Variants in MEI1 observed in about 807,000 individuals in gnomAD.
MEI1 encodes the protein meiotic double-stranded break formation protein 1, also known as meiosis inhibitor protein 1.
A neutral mutation model predicts 146.2 loss-of-function variants in MEI1; 103 were observed. That is an observed-to-expected ratio of 0.70 (90% CI 0.60 to 0.83). The LOEUF is 0.83. MEI1 is among the 40% of genes least tolerant of loss of function. The pLI is 0.00. For missense variants in MEI1, 1,529 were observed against 1,533.0 expected, an observed-to-expected ratio of 1.00 and a Z score of 0.04; for synonymous variants, 652 against 628.2, an observed-to-expected ratio of 1.04 and a Z score of -0.57.
At chr22:41,781,895 A>T in intron 24 of MEI1, 50 bp downstream of exon 24, 1 of 1,598,364 alleles carries the variant, frequency 6.3e-7, no homozygotes, top group Non-Finnish European at 8.6e-7. Flanking sequence ...CACTCAAAGG[A>T]GTGTTGAAGA....
chr22:41,713,960 TG>T, intron 3 of MEI1, 41 bp from the exon 4 acceptor site: 1 of 1,531,298 alleles, frequency 6.5e-7, no homozygotes, highest in Non-Finnish European at 8.9e-7. Context: ...GACTCTGGGT[TG>T]GGGGTGCCTC....
chr22:41,763,115 G>A (rs879915574), intron 18 of MEI1, 59 bp from the exon 19 acceptor site: 25 of 1,589,096 alleles, frequency 1.6e-5, no homozygotes, highest in Non-Finnish European at 1.9e-5. Flanking sequence ...AGGCAGAATA[G>A]AAGAGCCCAG....
At position 41,743,213 on chromosome 22, in the gene MEI1, G is replaced by C. The variant is rs369134821; in HGVS notation, c.1446+19G>C. On this transcript the variant is annotated intron_variant, in intron 12 of 30. Transcript: ENST00000401548. ...GCCCCTGGTCAGTGTACTGCAGCCT[G>C]CTGCTTCCGAAGATCATGCTGCAGT... 17 of 1,554,640 alleles carry C rather than the reference G, an allele frequency of 1.1e-5. No homozygotes were observed. The African/African-American group carries it at 2.3e-4, about 21-fold the overall frequency.
At chr22:41,750,577 G>T (rs2073681632) in intron 15 of MEI1, among the ~76,000 whole-genome samples, 1 of 152,038 alleles carries the variant, frequency 6.6e-6, no homozygotes, top group South Asian at 2.1e-4. Context: ...GAGAAATGGG[G>T]GTGTGAGTAG....
Position 41,795,311 on chromosome 22 carries a change from G to C in MEI1, c.3535-100G>C, listed in dbSNP as rs1488004825. 6.7e-7 allele frequency: 1 copy of C among 1,497,218 alleles called. No individual in the cohort carries two copies. Among genetic ancestry groups the C allele is most frequent in the Non-Finnish European group, 9.1e-7 (1 of 1,099,196 alleles). The allele number at this position is 1,497,218 out of a possible 1,614,324, so 92.7% of individuals were successfully genotyped here. A position where few individuals can be genotyped will look rare whatever the true frequency, so the allele number is the denominator to read the frequency against. ...CCTTGAAGGCAGGCAGGTTCTGTGG[G>C]CTTCAGGACAGTGTCTCCTAAAGTT... On this transcript the variant is annotated intron_variant, in intron 28 of 30. Coordinates refer to ENST00000401548, the MANE Select transcript of MEI1 (RefSeq NM_152513.4). This position sits in a 1 kb window ranked among gnomAD's most constrained non-coding sequence, Gnocchi z 4.2.
chr22:41,786,483 T>C (rs960017633), intron 26 of MEI1, among the ~76,000 whole-genome samples: 2 of 152,254 alleles, frequency 1.3e-5, no homozygotes, highest in Admixed American at 1.3e-4. Flanking sequence ...TCTTTCCATC[T>C]ATTGGCTTTG....
At chr22:41,749,411 G>A (rs2073586817) in intron 15 of MEI1, among the ~76,000 whole-genome samples, 1 of 152,096 alleles carries the variant, frequency 6.6e-6, no homozygotes, top group Admixed American at 6.6e-5. Flanking sequence ...AAGTAGCTGA[G>A]ATTACAGGCA....
Position 41,776,241 on chromosome 22 carries a change from T to C in MEI1, c.2684T>C (p.Val895Ala), listed in dbSNP as rs1358842875. Residue 895 changes from valine to alanine, a missense_variant, in exon 21 of 31, where the codon GTG becomes GCG. This residue lies in a region of MEI1 where 1,212 missense variants were observed against 1,178.9 expected (regional missense o/e 1.03). Transcript: ENST00000401548. ...CTGCTGATCCTGCAGCGTCTGCTAG[T>C]GGAGCATGGGGCATCCCCATCAGGA... ...HFLLILQRLL[V>A]EHGASPSGAS... is the part of the protein sequence containing the mutation. 3 of 1,613,674 alleles carry C rather than the reference T, an allele frequency of 1.9e-6. No homozygotes were observed. Among genetic ancestry groups the C allele is most frequent in the African/African-American group, 2.7e-5 (2 of 74,904 alleles).
Position 41,724,035 on chromosome 22 carries a change from T to A in MEI1, c.826T>A (p.Ser276Thr), listed in dbSNP as rs2071097657. ...LGESAKNIEGSSGNTSLPLVL... is the reference protein window; with the variant it reads ...LGESAKNIEGTSGNTSLPLVL... Reference sequence around the variant, plus strand: ...AGAAAGTGCTAAGAATATCGAAGGGTCATCAGGAAATACCTCACTGCCTTT... The same window carrying A: ...AGAAAGTGCTAAGAATATCGAAGGGACATCAGGAAATACCTCACTGCCTTT... Residue 276 changes from serine (S) to threonine (T), a missense_variant, in exon 7 of 31, where the codon TCA becomes ACA. By Grantham distance (58) the Ser-to-Thr change is moderately conservative. This residue lies in a region of MEI1 where 1,212 missense variants were observed against 1,178.9 expected (regional missense o/e 1.03). Coordinates refer to ENST00000401548, the MANE Select transcript of MEI1 (RefSeq NM_152513.4). 1 of 1,613,672 alleles carries A rather than the reference T, an allele frequency of 6.2e-7. No individual in the cohort carries two copies. The highest frequency in any genetic ancestry group is 8.5e-7 in the Non-Finnish European group (1 of 1,179,826).
At chr22:41,718,677 A>G (rs973535408) in intron 6 of MEI1, among the ~76,000 whole-genome samples, 1 of 152,276 alleles carries the variant, frequency 6.6e-6, no homozygotes, top group East Asian at 1.9e-4. Context: ...CTATAACAGG[A>G]TACCACAGAC....
chr22:41,724,491 A>G (rs2071136910), intron 7 of MEI1, among the ~76,000 whole-genome samples: 1 of 151,706 alleles, frequency 6.6e-6, no homozygotes, highest in East Asian at 1.9e-4. Context: ...GGTGGCACAC[A>G]CCTGTAGTCC....
intron 15 of MEI1, among the ~76,000 whole-genome samples, chr22:41,752,285 C>A (rs2073812057): frequency 6.6e-6 from 1 of 152,154 alleles, no homozygotes; most frequent in South Asian, 2.1e-4. Flanking sequence ...AGTGGAGGAT[C>A]ATTCAGAATG....
chr22:41,784,758 T>C lies in MEI1; in HGVS notation c.3320T>C (p.Ile1107Thr), dbSNP rs1180525107. 8.7e-6 allele frequency: 14 copies of C among 1,610,760 alleles called. No homozygotes were observed. The highest frequency in any genetic ancestry group is 4.0e-5 in the African/African-American group (3 of 74,850). ...LRMSQVRSLV[I>T]GLQNLLVQKD... ...ATGTCGCAAGTCCGGTCCCTGGTCA[T>C]TGGGCTGCAGAACCTCCTGGTGCAG... The change falls in exon 26 of 31, where the codon ATT becomes ACT. Residue 1107 changes from isoleucine to threonine, a missense_variant. Coordinates refer to ENST00000401548, the MANE Select transcript of MEI1 (RefSeq NM_152513.4).
chr22:41,781,959 G>C, intron 24 of MEI1, 114 bp downstream of exon 24: 2 of 1,177,974 alleles, frequency 1.7e-6, no homozygotes, highest in Non-Finnish European at 2.4e-6. Context: ...ACCTTGGCAA[G>C]GTATTTACCC....
chr22:41,768,124 G>A (rs1277230230), intron 19 of MEI1, among the ~76,000 whole-genome samples: 2 of 152,204 alleles, frequency 1.3e-5, no homozygotes, highest in African/African-American at 4.8e-5. Context: ...GCTCACGCCT[G>A]TAATCCTAGC....
chr22:41,784,588 A>G lies in MEI1; in HGVS notation c.3170-20A>G. 1 of 1,609,408 alleles carries G rather than the reference A, an allele frequency of 6.2e-7. No homozygotes were observed. The highest frequency in any genetic ancestry group is 1.1e-5 in the South Asian group (1 of 90,938). On this transcript the variant is annotated intron_variant, in intron 25 of 30. Transcript: ENST00000401548. ...TGGGAAGGAGACAGGAATTGGGTGTAAGGAATCTCCTGCTTCCAGCTGCCA... is the reference window on the plus strand; with the variant it reads ...TGGGAAGGAGACAGGAATTGGGTGTGAGGAATCTCCTGCTTCCAGCTGCCA...
chr22:41,716,525 T>C (rs2070195546), intron 5 of MEI1, among the ~76,000 whole-genome samples: 1 of 150,804 alleles, frequency 6.6e-6, no homozygotes, highest in Non-Finnish European at 1.5e-5. Context: ...TACAGGCATG[T>C]GCCACCACGC....
In MEI1 at chr22:41,789,036, A is replaced by G. The variant is rs1249397492; in HGVS notation, c.3345+4253A>G. Among the ~76,000 whole-genome samples the G allele has an allele frequency of 2.0e-5, 3 of 152,170 alleles. No homozygotes were observed. The East Asian group carries it at 5.8e-4, about 29-fold the overall frequency. ...ATACTTTTGTATTGGTAGTAAGGCC[A>G]GGCGCAGTGGCTCATGCCTGTAATC... On this transcript the variant is annotated intron_variant, in intron 26 of 30. Transcript: ENST00000401548.
intron 20 of MEI1, among the ~76,000 whole-genome samples, chr22:41,772,757 C>A (rs995677992): frequency 6.6e-6 from 1 of 152,194 alleles, no homozygotes; most frequent in Admixed American, 6.5e-5. Flanking sequence ...TCTTTTTACT[C>A]AGTCTGTTTA....
Sources: gnomAD v4.1 joint callset for allele counts (sites outside exome capture counted in the v4.1 genomes callset) on GRCh38, gnomAD v4.1.1 for gene constraint, gnomAD v4.1.1 regional missense constraint, Gnocchi (gnomAD v3.1) non-coding constraint, MANE v1.5 for transcripts, NCBI Gene and HGNC (gene_info 2026-07-23, HGNC 2026-07-21) for gene names.